Variants in MKLN1 observed in about 807,000 individuals in gnomAD.
MKLN1 encodes the protein muskelin.
Under a neutral mutation model 99.0 loss-of-function variants are expected in MKLN1, and 18 were observed. That is an observed-to-expected ratio of 0.18 (90% CI 0.13 to 0.27). The LOEUF is 0.27. Ranked by LOEUF, MKLN1 falls within the 10% of genes least tolerant of loss-of-function variation. MKLN1 has a pLI of 1.00. For synonymous variants in MKLN1, 288 were observed against 293.2 expected (o/e 0.98, Z 0.18); for missense variants, 621 against 875.9 (o/e 0.71, Z 3.67).
At chr7:131,405,407 G>C (rs1346062713) in intron 6 of MKLN1, among the ~76,000 whole-genome samples, 1 of 151,954 alleles carries the variant, frequency 6.6e-6, no homozygotes, top group Non-Finnish European at 1.5e-5. Context: ...TCTCTTGAGA[G>C]AACCAATTTT....
chr7:131,305,215 A>G (rs530342772), intron 3 of MKLN1, among the ~76,000 whole-genome samples: 1 of 152,336 alleles, frequency 6.6e-6, no homozygotes, highest in African/African-American at 2.4e-5. Flanking sequence ...TAAATAGCAT[A>G]GCAACCATGA....
intron 3 of MKLN1, among the ~76,000 whole-genome samples, chr7:131,226,646 A>C (rs992054090): frequency 7.9e-5 from 12 of 152,084 alleles, no homozygotes; most frequent in African/African-American, 2.4e-4. Context: ...AGGGGATTGT[A>C]TTTGTTGTCC....
intron 1 of MKLN1, among the ~76,000 whole-genome samples, chr7:131,139,815 A>G (rs1795704718): frequency 1.3e-5 from 2 of 152,292 alleles, no homozygotes; most frequent in South Asian, 4.1e-4. Context: ...GGAGGACACA[A>G]AAGGCTAATT....
chr7:131,417,663 T>G (rs1014413239), intron 8 of MKLN1, among the ~76,000 whole-genome samples: 2 of 152,198 alleles, frequency 1.3e-5, no homozygotes, highest in Non-Finnish European at 2.9e-5. Flanking sequence ...TTTGTTTTTA[T>G]TTTTTACGTT....
chr7:131,130,702 T>C (rs1472933351), intron 1 of MKLN1, among the ~76,000 whole-genome samples: 1 of 152,188 alleles, frequency 6.6e-6, no homozygotes, highest in African/African-American at 2.4e-5. Flanking sequence ...GTAGATGAAA[T>C]GTTTTATTAT....
At chr7:131,252,542 G>T (rs1374080329) in intron 3 of MKLN1, among the ~76,000 whole-genome samples, 1 of 151,974 alleles carries the variant, frequency 6.6e-6, no homozygotes, top group African/African-American at 2.4e-5. Flanking sequence ...TGTTAGCCAG[G>T]ATGGTCTCAA....
rs796102760 is a variant in MKLN1 at position 131,173,968 on chromosome 7, C to CTTTTTTTTTTTTTTTTTTTTT, written c.-296-28884_-296-28883insTTTTTTTTTTTTTTTTTTTTT. On this transcript the variant is annotated intron_variant, in intron 2 of 7. Transcript: ENST00000416992. ...TTCTCCAGAGTTTAAAGACCTTTTT[C>CTTTTTTTTTTTTTTTTTTTTT]TTTTTCTTTTTTTTTTTTTTTTGAG... Among the ~76,000 whole-genome samples, 4 of 118,654 alleles carry CTTTTTTTTTTTTTTTTTTTTT rather than the reference C, an allele frequency of 3.4e-5. 2 individuals carry two copies. The highest frequency in any genetic ancestry group is 3.7e-5 in the Non-Finnish European group (2 of 53,778). The allele number at this position is 118,654 out of a possible 152,430, so 77.8% of individuals were successfully genotyped here. A position where few individuals can be genotyped will look rare whatever the true frequency, so the allele number is the denominator to read the frequency against.
rs1034353901 is a variant in MKLN1, at chr7:131,385,462, C to T, written c.169-1658C>T. Reference sequence around the variant, plus strand: ...AAATGATTTTCCACAGTATGTGTACCGTTTTACATTCCTGCCAGCAATGCA... The same window carrying T: ...AAATGATTTTCCACAGTATGTGTACTGTTTTACATTCCTGCCAGCAATGCA... On this transcript the variant is annotated intron_variant, in intron 2 of 17. Transcript: ENST00000352689. Among the ~76,000 whole-genome samples the T allele has an allele frequency of 1.1e-4, 16 of 151,912 alleles. 1 individual carries two copies. Among genetic ancestry groups the T allele is most frequent in the Admixed American group, 2.0e-4 (3 of 15,256 alleles).
chr7:131,355,671 TG>T (rs1241530425), intron 1 of MKLN1, among the ~76,000 whole-genome samples: 4 of 146,650 alleles, frequency 2.7e-5, no homozygotes, highest in African/African-American at 1.0e-4. Context: ...TGGGGTTTTT[TG>T]TTTTTTTTTT....
chr7:131,269,895 T>A (rs772620189), intron 3 of MKLN1, among the ~76,000 whole-genome samples: 517 of 152,160 alleles, frequency 3.4e-3, no homozygotes, highest in Non-Finnish European at 4.8e-3. Flanking sequence ...TGGAGGTAAC[T>A]TTTCTTTTCT....
chr7:131,202,231 C>T (rs1228189510), intron 2 of MKLN1, among the ~76,000 whole-genome samples: 2 of 135,070 alleles, frequency 1.5e-5, no homozygotes. Context: ...GTGATCTCAG[C>T]TCACTGCAAC....
intron 2 of MKLN1, among the ~76,000 whole-genome samples, chr7:131,188,591 A>G (rs943819143): frequency 1.3e-5 from 2 of 152,216 alleles, no homozygotes; most frequent in African/African-American, 4.8e-5. Context: ...CTTGAGGCTT[A>G]GGCTTGGAAC....
chr7:131,297,222 G>A (rs541270089), intron 3 of MKLN1, among the ~76,000 whole-genome samples: 14 of 152,186 alleles, frequency 9.2e-5, no homozygotes, highest in Admixed American at 7.8e-4. Flanking sequence ...TTAGCCACGT[G>A]TGGTGGCGTG....
intron 12 of MKLN1, among the ~76,000 whole-genome samples, chr7:131,448,894 T>A (rs1403259633): frequency 6.6e-6 from 1 of 152,212 alleles, no homozygotes; most frequent in Non-Finnish European, 1.5e-5. Flanking sequence ...CCCTCCCCAC[T>A]TAGTTCATTG....
intron 16 of MKLN1, among the ~76,000 whole-genome samples, chr7:131,477,323 G>A (rs1471289036): frequency 1.3e-5 from 2 of 151,598 alleles, no homozygotes; most frequent in Non-Finnish European, 1.5e-5. Context: ...TAGGAGGAAG[G>A]ATTGCTTGAT....
At position 131,165,923 on chromosome 7, in the gene MKLN1, G is replaced by A. The variant is rs1040277654; in HGVS notation, c.-297+22982G>A. Among the ~76,000 whole-genome samples, 10 of 152,074 alleles carry A rather than the reference G, an allele frequency of 6.6e-5. 1 individual carries two copies. Among genetic ancestry groups the A allele is most frequent in the South Asian group, 6.2e-4 (3 of 4,818 alleles). Reference sequence around the variant, plus strand: ...TGAGCCCAGGAATTCGAGACTAGCCGGGGCAACATGGCGAAACCCCATCTC... The same window carrying A: ...TGAGCCCAGGAATTCGAGACTAGCCAGGGCAACATGGCGAAACCCCATCTC... On this transcript the variant is annotated intron_variant, in intron 2 of 7. Transcript: ENST00000416992.
At chr7:131,252,611 A>C (rs1797600173) in intron 3 of MKLN1, among the ~76,000 whole-genome samples, 1 of 152,068 alleles carries the variant, frequency 6.6e-6, no homozygotes, top group Non-Finnish European at 1.5e-5. Flanking sequence ...TATAGGTGTG[A>C]GCCACCGCAC....
intron 1 of MKLN1, among the ~76,000 whole-genome samples, chr7:131,339,760 A>C (rs1309830174): frequency 1.3e-5 from 2 of 152,114 alleles, no homozygotes; most frequent in Non-Finnish European, 2.9e-5. Flanking sequence ...TTCATATAAT[A>C]GGATTTTTAA....
chr7:131,191,740 G>A (rs1199895494), intron 2 of MKLN1, among the ~76,000 whole-genome samples: 1 of 144,632 alleles, frequency 6.9e-6, no homozygotes, highest in Non-Finnish European at 1.5e-5. Flanking sequence ...TTGAGACAGA[G>A]TCTCGCTGTA....
Sources: gnomAD v4.1 joint callset for allele counts (sites outside exome capture counted in the v4.1 genomes callset) on GRCh38, gnomAD v4.1.1 for gene constraint, MANE v1.5 for transcripts, NCBI Gene and HGNC (gene_info 2026-07-23, HGNC 2026-07-21) for gene names.